PAX2: variants seen among roughly 807,000 people sequenced by gnomAD.
The protein encoded by PAX2 is paired box 2, also known as paired box protein Pax-2.
In PAX2, 9 loss-of-function variants were observed where a neutral mutation model predicts 41.7. The ratio of observed to expected loss-of-function variants is 0.22; its 90% CI spans 0.13 to 0.38. The LOEUF (loss-of-function observed/expected upper bound fraction) is 0.38. PAX2 is among the 10% of genes least tolerant of loss of function. The probability of loss-of-function intolerance (pLI) is 1.00; values close to 1 mark genes in which losing one functional copy is unlikely to be tolerated. For synonymous variants in PAX2, 221 were observed against 212.7 expected (o/e 1.04, Z -0.34); for missense variants, 418 against 531.6 (o/e 0.79, Z 2.10).
intron 3 of PAX2, among the ~76,000 whole-genome samples, 197 bp from the exon 4 acceptor site, chr10:100,779,301 A>C (rs1338730507): frequency 6.6e-6 from 1 of 152,236 alleles, no homozygotes; most frequent in African/African-American, 2.4e-5. Context: ...CCAGAGCTGC[A>C]TTACGTTGGA....
In PAX2 at chr10:100,779,592, G is replaced by T. The variant is rs577483360; in HGVS notation, c.496+9G>T. On this transcript the variant is annotated intron_variant, in intron 4 of 9. Coordinates refer to ENST00000355243, the MANE Select transcript of PAX2 (RefSeq NM_000278.5). ...CCCTGGCCACACCATTGGTAAGAGG[G>T]CTCAGGGAAGGGGAGGAAACCAGAT... is the stretch of plus-strand genomic sequence containing the variant. The T allele has an allele frequency of 4.7e-5, 73 of 1,566,586 alleles. No individual in the cohort carries two copies. In the African/African-American group the frequency reaches 7.4e-4, roughly 16 times the overall value.
At chr10:100,742,843 C>CTTT (rs61627823), upstream of PAX2, among the ~76,000 whole-genome samples, 4 of 41,254 alleles carry the variant, frequency 9.7e-5, no homozygotes, top group Admixed American at 3.9e-4. Flanking sequence ...TTCTTTCTTC[C>CTTT]TTTTTTTTTT....
At chr10:100,797,572 T>C (rs1316628674) in intron 5 of PAX2, among the ~76,000 whole-genome samples, 2 of 152,258 alleles carry the variant, frequency 1.3e-5, no homozygotes, top group Non-Finnish European at 2.9e-5. Context: ...TAGTTGCTGT[T>C]ATTGTAAGGA....
chr10:100,737,940 G>C lies in PAX2; in HGVS notation c.25+2207G>C, dbSNP rs528261093. On this transcript the variant is annotated intron_variant, in intron 1 of 9. Coordinates refer to the PAX2 transcript ENST00000679374. Reference sequence around the variant, plus strand: ...AGCGAAAACCATCAGGAAAGGGCGAGAGAAGGAGGAAGGGGATTGAATCAG... The same window carrying C: ...AGCGAAAACCATCAGGAAAGGGCGACAGAAGGAGGAAGGGGATTGAATCAG... Among the ~76,000 whole-genome samples, 5 of 152,378 alleles carry C rather than the reference G, an allele frequency of 3.3e-5. No individual in the cohort carries two copies. The East Asian group carries it at 9.6e-4, about 29-fold the overall frequency.
chr10:100,811,852 C>T (rs1848001021), intron 7 of PAX2, among the ~76,000 whole-genome samples: 2 of 152,194 alleles, frequency 1.3e-5, no homozygotes, highest in South Asian at 4.1e-4. Context: ...GCACCCTGCT[C>T]ATCTTCTTCC....
chr10:100,819,533 G>C (rs1848311730), intron 7 of PAX2, among the ~76,000 whole-genome samples: 1 of 152,176 alleles, frequency 6.6e-6, no homozygotes, highest in South Asian at 2.1e-4. Flanking sequence ...TCGTGCCACT[G>C]CTCTCCAGCC....
In PAX2 at chr10:100,824,840, G is replaced by A. The variant is rs11190717; in HGVS notation, c.1021+91G>A. ...ATGGTCTGTAGTCTGAGGCTGGGGT[G>A]GGGGGAGACACAACGTCCCCTCCCT... On this transcript the variant is annotated intron_variant, in intron 8 of 9. Transcript: ENST00000355243. The surrounding 1 kb of genome is among the most constrained non-coding windows in gnomAD (Gnocchi z 6.6). The A allele has an allele frequency of 0.21, 316,836 of 1,505,592 alleles. 36,377 individuals are homozygous for A. Among genetic ancestry groups the A allele is most frequent in the Middle Eastern group, 0.3 (1,767 of 5,876 alleles). The allele number at this position is 1,505,592 out of a possible 1,614,324, so 93.3% of individuals were successfully genotyped here.
intron 1 of PAX2, among the ~76,000 whole-genome samples, chr10:100,746,549 C>T (rs1845182941): frequency 1.3e-5 from 2 of 152,232 alleles, no homozygotes; most frequent in African/African-American, 4.8e-5. Context: ...TGATCCCTAT[C>T]ACCTGCCTTT....
Position 100,745,674 on chromosome 10 carries a change from T to A in PAX2, c.-587T>A. On this transcript the variant is annotated 5_prime_UTR_variant, in exon 1 of 10. Coordinates refer to ENST00000355243, the MANE Select transcript of PAX2 (RefSeq NM_000278.5). Reference sequence around the variant, plus strand: ...CGGCTCCCTCCCTCCCTCCCGGCCCTTCGGCCGCGGCGGCGTGCGCCTGCC... The same window carrying A: ...CGGCTCCCTCCCTCCCTCCCGGCCCATCGGCCGCGGCGGCGTGCGCCTGCC... The A allele has an allele frequency of 2.3e-6, 2 of 865,680 alleles. No homozygotes were observed. Among genetic ancestry groups the A allele is most frequent in the Non-Finnish European group, 2.8e-6 (2 of 710,056 alleles). The allele number at this position is 865,680 out of a possible 1,614,324, so 53.6% of individuals were successfully genotyped here.
intron 7 of PAX2, among the ~76,000 whole-genome samples, chr10:100,816,043 T>A (rs1227792906): frequency 6.6e-6 from 1 of 152,162 alleles, no homozygotes; most frequent in Non-Finnish European, 1.5e-5. Flanking sequence ...TCTTACCTCC[T>A]CCCTTCATCT....
intron 7 of PAX2, among the ~76,000 whole-genome samples, chr10:100,817,188 C>T (rs1589895728): frequency 6.6e-6 from 1 of 151,978 alleles, no homozygotes; most frequent in Non-Finnish European, 1.5e-5. Flanking sequence ...CCAGAGAAGG[C>T]AACACAGGGA....
At chr10:100,745,130 G>A (rs1198581801), upstream of PAX2, among the ~76,000 whole-genome samples, 8 of 152,160 alleles carry the variant, frequency 5.3e-5, no homozygotes, top group Non-Finnish European at 8.8e-5. Flanking sequence ...GGATGGCAGG[G>A]CTGGGCGAGT....
intron 3 of PAX2, among the ~76,000 whole-genome samples, chr10:100,762,939 T>A (rs1845889531): frequency 6.6e-6 from 1 of 152,204 alleles, no homozygotes. Context: ...AGTTCCTCCT[T>A]GCAGGGATCT....
rs1235709853 is a variant in PAX2, at chr10:100,750,290, G to T, written c.212+376G>T. 6.6e-6 allele frequency among the ~76,000 whole-genome samples: 1 copy of T among 152,098 alleles called. No homozygotes were observed. The highest frequency in any genetic ancestry group is 1.5e-5 in the Non-Finnish European group (1 of 67,996). ...GAGGAGAAGCAGCAGCATTTGGGAG[G>T]CAGAAGGAGGGTCCTGGTTCCCACA... On this transcript the variant is annotated intron_variant, in intron 2 of 9. Coordinates refer to ENST00000355243, the MANE Select transcript of PAX2 (RefSeq NM_000278.5). This position sits in a 1 kb window ranked among gnomAD's most constrained non-coding sequence, Gnocchi z 4.1.
intron 3 of PAX2, among the ~76,000 whole-genome samples, chr10:100,756,085 C>G (rs903960480): frequency 2.0e-5 from 3 of 152,116 alleles, no homozygotes; most frequent in African/African-American, 7.2e-5. Flanking sequence ...TGTGACTATG[C>G]ATGATGGCAT....
At chr10:100,738,597 G>T (rs1368862048) in intron 1 of PAX2, among the ~76,000 whole-genome samples, 1 of 152,174 alleles carries the variant, frequency 6.6e-6, no homozygotes, top group Admixed American at 6.5e-5. Flanking sequence ...GAAATTGAAA[G>T]GGGCTTCCTC....
intron 5 of PAX2, among the ~76,000 whole-genome samples, chr10:100,805,494 T>G (rs1280813674): frequency 6.6e-6 from 1 of 152,054 alleles, no homozygotes; most frequent in Non-Finnish European, 1.5e-5. Context: ...GCAGGCACAT[T>G]GCCTACTGTA....
intron 3 of PAX2, among the ~76,000 whole-genome samples, chr10:100,757,726 G>A (rs1304335557): frequency 6.6e-6 from 1 of 152,254 alleles, no homozygotes; most frequent in Admixed American, 6.5e-5. Flanking sequence ...GAGGGGCATA[G>A]GGAAGAGGCT....
chr10:100,807,895 G>A (rs976037255), intron 6 of PAX2, among the ~76,000 whole-genome samples: 6 of 152,106 alleles, frequency 3.9e-5, no homozygotes, highest in East Asian at 1.9e-4. Flanking sequence ...CTTTCTCCCC[G>A]CCCGTCCTTT....
Sources: allele counts gnomAD v4.1 joint callset (sites outside exome capture counted in the v4.1 genomes callset), GRCh38; gene constraint gnomAD v4.1.1; non-coding constraint Gnocchi (gnomAD v3.1); transcripts MANE v1.5; gene names NCBI Gene and HGNC (gene_info 2026-07-23, HGNC 2026-07-21).